The following NPHP3 variants were observed in gnomAD, a reference collection of about 807,000 sequenced individuals.
The protein encoded by NPHP3 is nephrocystin 3.
Under a neutral mutation model 171.9 loss-of-function variants are expected in NPHP3, and 123 were observed. The observed-to-expected ratio is 0.72, with a 90% confidence interval of 0.62 to 0.83. The LOEUF (loss-of-function observed/expected upper bound fraction) is 0.83. Ranked by LOEUF, NPHP3 falls within the 40% of genes least tolerant of loss-of-function variation. The probability of loss-of-function intolerance (pLI) is 0.00; values close to 1 mark genes in which losing one functional copy is unlikely to be tolerated. For synonymous variants in NPHP3, 558 were observed against 579.2 expected, an observed-to-expected ratio of 0.96 and a Z score of 0.52; for missense variants, 1,506 against 1,591.9, an observed-to-expected ratio of 0.95 and a Z score of 0.92.
intron 15 of NPHP3, 111 bp downstream of exon 15, chr3:132,696,620 G>T: frequency 1.1e-6 from 1 of 914,836 alleles, no homozygotes; most frequent in South Asian, 1.3e-5. Context: ...AATAAAATCT[G>T]AGTGGCTCAA....
At chr3:132,711,911 AGGGTCTACAAT>A (rs1400803205) in intron 6 of NPHP3, among the ~76,000 whole-genome samples, 2 of 152,206 alleles carry the variant, frequency 1.3e-5, no homozygotes, top group African/African-American at 4.8e-5. Flanking sequence ...CAAAGTCTTA[AGGGTCTACAAT>A]GGGTTATGCT....
intron 26 of NPHP3, 165 bp from the exon 27 acceptor site, chr3:132,682,255 C>A: frequency 4.6e-6 from 3 of 648,216 alleles, no homozygotes; most frequent in Non-Finnish European, 8.1e-6. Flanking sequence ...CCAAACTCTT[C>A]TCCTTTCTAC....
intron 6 of NPHP3, among the ~76,000 whole-genome samples, chr3:132,711,597 T>G (rs1348624309): frequency 6.6e-6 from 1 of 152,088 alleles, no homozygotes; most frequent in African/African-American, 2.4e-5. Context: ...AGGGTCATAC[T>G]CTGTCACCCA....
rs1384863296 is a variant in NPHP3 at position 132,704,223 on chromosome 3, G to C, written c.1499C>G (p.Ser500Ter). 1.9e-6 allele frequency: 3 copies of C among 1,614,092 alleles called. No homozygotes were observed. Among genetic ancestry groups the C allele is most frequent in the Non-Finnish European group, 8.5e-7 (1 of 1,180,044 alleles). ...QMETFQQASN[S>*]AHELGFEKYY... ...TTTCTCAAATCCCAACTCATGGGCT[G>C]AATTAGAAGCCTGCTGAAAAGTTTC... Residue 500 changes from serine to a stop codon, truncating the protein, a stop_gained, in exon 9 of 27, where the codon TCA becomes TGA. Coordinates refer to ENST00000337331, the MANE Select transcript of NPHP3 (RefSeq NM_153240.5). LOFTEE classifies it high-confidence loss of function.
At chr3:132,699,733 G>A (rs1055889596) in intron 12 of NPHP3, among the ~76,000 whole-genome samples, 185 bp downstream of exon 12, 1 of 151,848 alleles carries the variant, frequency 6.6e-6, no homozygotes, top group African/African-American at 2.4e-5. Flanking sequence ...TTCTTAATAA[G>A]ATATTAGTGT....
At position 132,680,766 on chromosome 3, in the gene NPHP3, A is replaced by C. The variant is rs1939004126; in HGVS notation, c.*1144T>G. 6.6e-6 allele frequency: 1 copy of C among 152,198 alleles called. No homozygotes were observed. Among genetic ancestry groups the C allele is most frequent in the Admixed American group, 6.5e-5 (1 of 15,282 alleles). 9.4% of individuals were successfully genotyped at this position (152,198 alleles called of 1,614,324 possible). A position where few individuals can be genotyped will look rare whatever the true frequency, so the allele number is the denominator to read the frequency against. ...TCCAAAACAATATCTAAAATGTTGC[A>C]ATATTTATAAAATCCATAAAAATAT... On this transcript the variant is annotated 3_prime_UTR_variant, in exon 27 of 27. Transcript: ENST00000337331.
intron 1 of NPHP3, 71 bp from the exon 2 acceptor site, chr3:132,719,901 TAC>T (rs1010328511): frequency 3.4e-5 from 20 of 590,718 alleles, no homozygotes; most frequent in Non-Finnish European, 4.1e-5. Flanking sequence ...CTTATATATA[TAC>T]ATATATATAT....
intron 1 of NPHP3, 72 bp downstream of exon 1, chr3:132,721,891 T>G: frequency 1.3e-6 from 2 of 1,566,474 alleles, no homozygotes; most frequent in Non-Finnish European, 8.7e-7. Flanking sequence ...CAAAGCCGCT[T>G]GGTTTGGAGA....
At chr3:132,694,545 C>T (rs560873910) in intron 16 of NPHP3, among the ~76,000 whole-genome samples, 58 of 151,938 alleles carry the variant, frequency 3.8e-4, no homozygotes, top group Non-Finnish European at 5.4e-4. Flanking sequence ...ATTTAAGACA[C>T]CTACAGATCG....
At chr3:132,717,930 G>C (rs1940099950) in intron 3 of NPHP3, 16 of 308,246 alleles carry the variant, frequency 5.2e-5, no homozygotes, top group South Asian at 3.8e-4. Flanking sequence ...GCTAATTTTT[G>C]TATTTAGTAG....
At position 132,722,028 on chromosome 3, in the gene NPHP3, A is replaced by T; in HGVS notation, c.328T>A (p.Leu110Met). 1.9e-6 allele frequency: 3 copies of T among 1,613,236 alleles called. No homozygotes were observed. The highest frequency in any genetic ancestry group is 2.5e-6 in the Non-Finnish European group (3 of 1,179,898). The change falls in exon 1 of 27, where the codon TTG (leucine) becomes ATG (methionine). Residue 110 changes from leucine (L) to methionine (M), a missense_variant. Coordinates refer to ENST00000337331, the MANE Select transcript of NPHP3 (RefSeq NM_153240.5). ...TTGGCCTCGCGGCGGCCCATGGACA[A>T]CAACTCCTGGTTCTTGCTGACGCGA... ...IFRVSKNQEL[L>M]SMGRREAKLD...
rs535773559 is a variant in NPHP3 at position 132,711,865 on chromosome 3, T to C, written c.1118+1261A>G. Reference sequence around the variant, plus strand: ...TAAACATATTCTGGATGAAGGCTCATTGACCAGGTAGTTCCCTGTTCACCC... The same window carrying C: ...TAAACATATTCTGGATGAAGGCTCACTGACCAGGTAGTTCCCTGTTCACCC... On this transcript the variant is annotated intron_variant, in intron 6 of 26. Transcript: ENST00000337331. Among the ~76,000 whole-genome samples, 15 of 152,362 alleles carry C rather than the reference T, an allele frequency of 9.8e-5. No homozygotes were observed. In the South Asian group the frequency reaches 3.1e-3, roughly 32 times the overall value.
Position 132,701,476 on chromosome 3 carries a change from C to T in NPHP3, c.1582G>A (p.Val528Met), listed in dbSNP as rs373000939. The stretch of plus-strand genomic sequence containing the variant: ...TTCCCAGAACCTGGTCCTCCAGACA[C>T]GAGAAGAGGTGGAATCGGGGCTGGT... ...AAPAPIPPLL[V>M]SGGPGSGKSL... is the part of the protein sequence containing the mutation. The change falls in exon 10 of 27, where the codon GTG (valine) becomes ATG (methionine). Residue 528 changes from valine (V) to methionine (M), a missense_variant. This residue lies in a region of NPHP3 where 930 missense variants were observed against 924.9 expected (regional missense o/e 1.01). Coordinates refer to ENST00000337331, the MANE Select transcript of NPHP3 (RefSeq NM_153240.5). 29 of 1,613,632 alleles carry T rather than the reference C, an allele frequency of 1.8e-5. No homozygotes were observed. Among genetic ancestry groups the T allele is most frequent in the Non-Finnish European group, 2.3e-5 (27 of 1,179,740 alleles).
chr3:132,713,947 GAC>G (rs1052240482), intron 5 of NPHP3, among the ~76,000 whole-genome samples: 1 of 152,224 alleles, frequency 6.6e-6, no homozygotes, highest in African/African-American at 2.4e-5. Context: ...TATAGCATGT[GAC>G]ACACAGATTC....
chr3:132,682,756 C>T lies in NPHP3; in HGVS notation c.3759G>A (p.Leu1253=), dbSNP rs6794496. The part of the protein sequence containing the change: ...ERALKIYEDS[L]GRMHPRVGET... ...CTCCAACTCGAGGATGCATCCGACCCAGGCTATCTTCATAAATCTTTAATG... is the reference window on the plus strand; with the variant it reads ...CTCCAACTCGAGGATGCATCCGACCTAGGCTATCTTCATAAATCTTTAATG... Residue 1253 remains leucine (L), a synonymous_variant, in exon 26 of 27, where the codon CTG becomes CTA. Transcript: ENST00000337331. 0.14 allele frequency: 231,080 copies of T among 1,612,284 alleles called. 21,825 individuals carry two copies. Among genetic ancestry groups the T allele is most frequent in the East Asian group, 0.59 (26,384 of 44,828 alleles).
chr3:132,719,174 G>T, intron 2 of NPHP3, 30 bp from the exon 3 acceptor site: 1 of 1,543,158 alleles, frequency 6.5e-7, no homozygotes. Context: ...AATGTTGAAA[G>T]CTTTTTCATA....
At chr3:132,714,554 C>CAA (rs780932996) in intron 5 of NPHP3, among the ~76,000 whole-genome samples, 277 of 120,976 alleles carry the variant, frequency 2.3e-3, no homozygotes, top group African/African-American at 8.6e-3. Context: ...ACTTTCTCTG[C>CAA]AAAAAAAAAA....
intron 7 of NPHP3, among the ~76,000 whole-genome samples, chr3:132,706,130 T>C (rs555046407): frequency 8.6e-5 from 13 of 151,990 alleles, no homozygotes; most frequent in South Asian, 2.1e-4. Flanking sequence ...GAGGTCGAGG[T>C]GGGCGGTTCA....
chr3:132,701,656 T>G, intron 9 of NPHP3, 123 bp from the exon 10 acceptor site: 1 of 716,718 alleles, frequency 1.4e-6, no homozygotes, highest in Non-Finnish European at 2.4e-6. Context: ...GAAATCTATT[T>G]TTAGTGACAG....
Sources: allele counts gnomAD v4.1 joint callset (sites outside exome capture counted in the v4.1 genomes callset), GRCh38; gene constraint gnomAD v4.1.1; regional missense constraint gnomAD v4.1.1; transcripts MANE v1.5; gene names NCBI Gene and HGNC (gene_info 2026-07-23, HGNC 2026-07-21).